Variants in CDYL2 observed in about 807,000 individuals in gnomAD.
CDYL2 encodes chromodomain Y like 2, also known as chromodomain Y-like protein 2.
A neutral mutation model predicts 49.4 loss-of-function variants in CDYL2; 23 were observed. The observed-to-expected ratio is 0.47, with a 90% CI of 0.34 to 0.66. The LOEUF is 0.66. CDYL2 is among the 30% of genes least tolerant of loss of function. The pLI is 0.01. For missense variants in CDYL2, 678 were observed against 656.4 expected (o/e 1.03, Z -0.36); for synonymous variants, 360 against 268.8 (o/e 1.34, Z -3.32).
intron 2 of CDYL2, among the ~76,000 whole-genome samples, chr16:80,665,951 G>C (rs1909244368): frequency 6.6e-6 from 1 of 152,134 alleles, no homozygotes; most frequent in Non-Finnish European, 1.5e-5. Context: ...TAATATCCTA[G>C]GATCAATGAA....
At chr16:80,670,391 C>T (rs904013886) in intron 2 of CDYL2, among the ~76,000 whole-genome samples, 6 of 152,136 alleles carry the variant, frequency 3.9e-5, no homozygotes, top group African/African-American at 7.2e-5. Flanking sequence ...CAGCACTTCT[C>T]CTTGCTGCCA....
intron 1 of CDYL2, among the ~76,000 whole-genome samples, chr16:80,706,188 A>T (rs1342980861): frequency 6.6e-6 from 1 of 152,238 alleles, no homozygotes; most frequent in Non-Finnish European, 1.5e-5. Flanking sequence ...TCTGCAAAAC[A>T]TTTTAAGAGG....
chr16:80,752,196 T>C (rs891421211), intron 1 of CDYL2, among the ~76,000 whole-genome samples: 4 of 151,756 alleles, frequency 2.6e-5, no homozygotes, highest in Admixed American at 2.6e-4. Context: ...CAAATAGAAT[T>C]AGTAAAATGA....
chr16:80,746,497 T>G (rs1905935976), intron 1 of CDYL2, among the ~76,000 whole-genome samples: 1 of 152,204 alleles, frequency 6.6e-6, no homozygotes, highest in Non-Finnish European at 1.5e-5. Flanking sequence ...TCCTCTCAAG[T>G]ATTCTGGAAT....
intron 4 of CDYL2, among the ~76,000 whole-genome samples, chr16:80,614,531 T>C (rs532724391): frequency 6.6e-6 from 1 of 152,352 alleles, no homozygotes; most frequent in African/African-American, 2.4e-5. Context: ...TACATTACTA[T>C]ATATGAGGCT....
rs376431708 is a variant in CDYL2, at chr16:80,623,748, G to C, written c.835-2813C>G. On this transcript the variant is annotated intron_variant, in intron 3 of 6. Coordinates refer to ENST00000570137, the MANE Select transcript of CDYL2 (RefSeq NM_152342.4). ...TCACTGTGAGAAGTTTGCAAGTATG[G>C]GGTGGAGCTAGACTAGGACTCAGGA... 3.9e-5 allele frequency among the ~76,000 whole-genome samples: 6 copies of C among 152,284 alleles called. No homozygotes were observed. In the East Asian group the frequency reaches 1.2e-3, roughly 29 times the overall value.
At chr16:80,721,433 G>A (rs1904994778) in intron 1 of CDYL2, among the ~76,000 whole-genome samples, 1 of 152,136 alleles carries the variant, frequency 6.6e-6, no homozygotes, top group Admixed American at 6.5e-5. Context: ...GCAGGTTTGG[G>A]CAGCAAAATA....
chr16:80,714,298 A>T (rs1597094171), intron 1 of CDYL2, among the ~76,000 whole-genome samples: 6 of 152,060 alleles, frequency 3.9e-5, no homozygotes, highest in Admixed American at 3.9e-4. Flanking sequence ...AACACCAATA[A>T]ATCAAGAAAA....
intron 4 of CDYL2, among the ~76,000 whole-genome samples, chr16:80,615,109 G>A (rs976603477): frequency 6.6e-6 from 1 of 152,106 alleles, no homozygotes; most frequent in Non-Finnish European, 1.5e-5. Flanking sequence ...TAAGATGGTG[G>A]AGTTAGCTCT....
chr16:80,758,498 A>T (rs1408151604), intron 1 of CDYL2, among the ~76,000 whole-genome samples: 2 of 151,722 alleles, frequency 1.3e-5, no homozygotes, highest in Non-Finnish European at 2.9e-5. Flanking sequence ...TTAATATACC[A>T]TACAAGTGTG....
intron 1 of CDYL2, among the ~76,000 whole-genome samples, chr16:80,738,397 ATT>A (rs59849412): frequency 6.6e-6 from 1 of 150,736 alleles, no homozygotes; most frequent in African/African-American, 2.4e-5. Flanking sequence ...TCCCATGTCT[ATT>A]TTTTTTTTAA....
chr16:80,713,877 G>C (rs1349530522), intron 1 of CDYL2, among the ~76,000 whole-genome samples: 1 of 152,132 alleles, frequency 6.6e-6, no homozygotes, highest in Non-Finnish European at 1.5e-5. Context: ...ACTACATGCA[G>C]GTGTGCCAAC....
At chr16:80,629,271 G>A (rs1420550575) in intron 3 of CDYL2, among the ~76,000 whole-genome samples, 1 of 152,142 alleles carries the variant, frequency 6.6e-6, no homozygotes, top group East Asian at 1.9e-4. Context: ...CATGAAAGGA[G>A]GCAGACTTAT....
chr16:80,636,931 T>A (rs1181917847), intron 2 of CDYL2, among the ~76,000 whole-genome samples: 1 of 152,192 alleles, frequency 6.6e-6, no homozygotes, highest in Non-Finnish European at 1.5e-5. Flanking sequence ...GAAACCATCA[T>A]TCTCAGCAAA....
At chr16:80,606,285 A>C (rs921941952) in intron 6 of CDYL2, among the ~76,000 whole-genome samples, 5 of 151,094 alleles carry the variant, frequency 3.3e-5, no homozygotes, top group African/African-American at 7.3e-5. Context: ...TTCTTGGGAA[A>C]CCCCCCCAGC....
chr16:80,691,303 C>A (rs1443470314), intron 1 of CDYL2, among the ~76,000 whole-genome samples: 1 of 152,198 alleles, frequency 6.6e-6, no homozygotes, highest in East Asian at 1.9e-4. Flanking sequence ...ATAAAGAGGG[C>A]AAGTTCTGGG....
rs976624345 is a variant in CDYL2, at chr16:80,690,683, C to T, written c.25-5554G>A. On this transcript the variant is annotated intron_variant, in intron 1 of 6. Coordinates refer to ENST00000570137, the MANE Select transcript of CDYL2 (RefSeq NM_152342.4). ...ACCTGACCAAGGCTGGCAGCATATC[C>T]GCAGCTTCAGGCTCTTCCCCTCAAC... Among the ~76,000 whole-genome samples, 7 of 152,094 alleles carry T rather than the reference C, an allele frequency of 4.6e-5. No homozygotes were observed. The East Asian group carries it at 7.7e-4, about 17-fold the overall frequency.
intron 1 of CDYL2, among the ~76,000 whole-genome samples, chr16:80,717,290 T>G (rs1904844983): frequency 6.6e-6 from 1 of 152,344 alleles, no homozygotes. Flanking sequence ...AGTCCTAGAC[T>G]GCCTTGTATG....
At chr16:80,705,779 G>C (rs1449346872) in intron 1 of CDYL2, among the ~76,000 whole-genome samples, 1 of 152,256 alleles carries the variant, frequency 6.6e-6, no homozygotes, top group Non-Finnish European at 1.5e-5. Flanking sequence ...AACAAATGTG[G>C]CTGTGTTCCA....
Sources: gnomAD v4.1 joint callset for allele counts (sites outside exome capture counted in the v4.1 genomes callset) on GRCh38, gnomAD v4.1.1 for gene constraint, MANE v1.5 for transcripts, NCBI Gene and HGNC (gene_info 2026-07-23, HGNC 2026-07-21) for gene names.